The following OR56A3 variants were observed in gnomAD, a reference collection of about 807,000 sequenced individuals.
OR56A3 encodes olfactory receptor family 56 subfamily A member 3.
A neutral mutation model predicts 17.5 loss-of-function variants in OR56A3; 23 were observed. The ratio of observed to expected loss-of-function variants is 1.32; its 90% CI spans 0.95 to 1.87. OR56A3 has a LOEUF of 1.87. Among genes scored for constraint, OR56A3 ranks in the 40% most tolerant of loss-of-function variants. OR56A3 has a pLI of 0.00. For missense variants in OR56A3, 366 were observed against 380.1 expected, an observed-to-expected ratio of 0.96 and a Z score of 0.31; for synonymous variants, 175 against 150.6, an observed-to-expected ratio of 1.16 and a Z score of -1.19.
rs893727044 is a variant in OR56A3 at position 5,947,316 on chromosome 11, T to C, written c.-31T>C. 8 of 1,528,732 alleles carry C rather than the reference T, an allele frequency of 5.2e-6. No homozygotes were observed. The highest frequency in any genetic ancestry group is 7.1e-6 in the Non-Finnish European group (8 of 1,131,254). The allele number at this position is 1,528,732 out of a possible 1,614,324, so 94.7% of individuals were successfully genotyped here. A position where few individuals can be genotyped will look rare whatever the true frequency, so the allele number is the denominator to read the frequency against. On this transcript the variant is annotated 5_prime_UTR_variant, in exon 3 of 3. Transcript: ENST00000641160. ...TTGTAATCATAATTTTCCAGATCAC[T>C]GAAAGAAAGCAGTAAAATATATGGG...
chr11:6,011,406 C>T, the OR56A3 span, among the ~76,000 whole-genome samples: 2 of 151,928 alleles, frequency 1.3e-5, no homozygotes, highest in Admixed American at 6.6e-5. Flanking sequence ...CATTTTAAAC[C>T]CTTGTTAGCT....
chr11:5,966,732 A>C, the OR56A3 span, among the ~76,000 whole-genome samples: 1 of 152,206 alleles, frequency 6.6e-6, no homozygotes, highest in African/African-American at 2.4e-5. Flanking sequence ...GAGGACTGAA[A>C]GTAGGATGAG....
the OR56A3 span, among the ~76,000 whole-genome samples, chr11:5,979,051 C>G: frequency 6.6e-6 from 1 of 150,682 alleles, no homozygotes; most frequent in East Asian, 1.9e-4. Context: ...CTTTGCATCA[C>G]AGAAATAAAC....
At chr11:6,018,422 A>C in the OR56A3 span, among the ~76,000 whole-genome samples, 2 of 152,144 alleles carry the variant, frequency 1.3e-5, no homozygotes, top group African/African-American at 4.8e-5. Context: ...AAATAAATGG[A>C]AATTAAACAA....
the OR56A3 span, chr11:5,994,269 T>C: frequency 3.4e-6 from 2 of 596,896 alleles, no homozygotes; most frequent in Non-Finnish European, 6.3e-6. Context: ...GGACTGTACA[T>C]CTCAGCTCCA....
chr11:5,954,349 A>T (rs1401289468), downstream of OR56A3, among the ~76,000 whole-genome samples: 1 of 152,128 alleles, frequency 6.6e-6, no homozygotes, highest in Non-Finnish European at 1.5e-5. Flanking sequence ...TTATCCCACA[A>T]TCCAGGGCTA....
At chr11:5,977,892 T>C in the OR56A3 span, among the ~76,000 whole-genome samples, 1 of 152,114 alleles carries the variant, frequency 6.6e-6, no homozygotes. Flanking sequence ...TTTGTGGTGA[T>C]AGGAAGGTGT....
the OR56A3 span, among the ~76,000 whole-genome samples, chr11:6,013,708 A>G: frequency 6.6e-6 from 1 of 152,112 alleles, no homozygotes; most frequent in Non-Finnish European, 1.5e-5. Flanking sequence ...CCAAGCACAC[A>G]TCTGGGGGTT....
At chr11:5,999,483 C>T in the OR56A3 span, 2 of 152,248 alleles carry the variant, frequency 1.3e-5, no homozygotes, top group South Asian at 4.1e-4. Context: ...AACCAAAGTT[C>T]ACAAAAGCGG....
the OR56A3 span, among the ~76,000 whole-genome samples, chr11:6,018,395 A>G: frequency 6.6e-6 from 1 of 152,146 alleles, no homozygotes; most frequent in South Asian, 2.1e-4. Context: ...ATAAAACTAA[A>G]ACTTTGGAAA....
the OR56A3 span, among the ~76,000 whole-genome samples, chr11:5,996,833 A>G: frequency 1.3e-5 from 2 of 152,210 alleles, 1 homozygote; most frequent in South Asian, 4.1e-4. Context: ...AAAGATAAAA[A>G]TTAACCCCAT....
At chr11:5,980,505 G>T in the OR56A3 span, among the ~76,000 whole-genome samples, 2 of 152,204 alleles carry the variant, frequency 1.3e-5, no homozygotes, top group Admixed American at 6.5e-5. Flanking sequence ...AGCAATGCTT[G>T]CTCTTTTTTG....
At chr11:5,976,598 T>C in the OR56A3 span, among the ~76,000 whole-genome samples, 1 of 152,178 alleles carries the variant, frequency 6.6e-6, no homozygotes, top group African/African-American at 2.4e-5. Context: ...TTTTCCTTCA[T>C]AGTTCTTACT....
At chr11:5,987,774 C>A in the OR56A3 span, among the ~76,000 whole-genome samples, 2 of 152,144 alleles carry the variant, frequency 1.3e-5, no homozygotes. Flanking sequence ...TTCTTCTCAA[C>A]CCCCAATATC....
chr11:5,955,532 A>G (rs1023310781), downstream of OR56A3, among the ~76,000 whole-genome samples: 1 of 152,130 alleles, frequency 6.6e-6, no homozygotes, highest in African/African-American at 2.4e-5. Flanking sequence ...AATGAAAGGA[A>G]GTAAAGTACA....
chr11:5,999,234 ATAC>A, the OR56A3 span, among the ~76,000 whole-genome samples: 1 of 152,194 alleles, frequency 6.6e-6, no homozygotes, highest in Non-Finnish European at 1.5e-5. Flanking sequence ...AATTCCATGG[ATAC>A]CTTAATGCCC....
chr11:6,016,755 T>C, the OR56A3 span, among the ~76,000 whole-genome samples: 4 of 141,862 alleles, frequency 2.8e-5, no homozygotes, highest in Admixed American at 2.8e-4. Context: ...AGATAAATAA[T>C]ACAAAAAAAA....
the OR56A3 span, chr11:6,019,211 C>T: frequency 2.5e-5 from 2 of 81,434 alleles, no homozygotes; most frequent in Non-Finnish European, 4.9e-5. Context: ...AACAACAACA[C>T]GACAGAAAAA....
chr11:5,985,909 C>T, the OR56A3 span: 2 of 1,550,522 alleles, frequency 1.3e-6, no homozygotes, highest in Non-Finnish European at 1.7e-6. Flanking sequence ...GCAGAAGAAG[C>T]CTCCGAAGGA....
Sources: allele counts gnomAD v4.1 joint callset (sites outside exome capture counted in the v4.1 genomes callset), GRCh38; gene constraint gnomAD v4.1.1; transcripts MANE v1.5; gene names NCBI Gene and HGNC (gene_info 2026-07-23, HGNC 2026-07-21).